Variants in SLCO3A1 observed in about 807,000 individuals in gnomAD.
The protein encoded by SLCO3A1 is PGE1 transporter.
SLCO3A1 carries 27 observed loss-of-function variants against 63.1 expected under a neutral mutation model. That is an observed-to-expected ratio of 0.43 (90% CI 0.32 to 0.59). The LOEUF (loss-of-function observed/expected upper bound fraction) is 0.59. Among genes scored for constraint, SLCO3A1 ranks in the 20% least tolerant of loss-of-function variants. SLCO3A1 has a pLI of 0.09. For missense variants in SLCO3A1, 773 were observed against 945.8 expected, an observed-to-expected ratio of 0.82 and a Z score of 2.40; for synonymous variants, 473 against 409.9, an observed-to-expected ratio of 1.15 and a Z score of -1.86.
chr15:91,921,144 T>C (rs1252960498), intron 2 of SLCO3A1, among the ~76,000 whole-genome samples: 1 of 152,216 alleles, frequency 6.6e-6, no homozygotes, highest in Non-Finnish European at 1.5e-5. Flanking sequence ...AGGGTTGGCG[T>C]CCTCTGAGGT....
Position 92,150,958 on chromosome 15 carries a change from G to A in SLCO3A1, c.1697G>A (p.Ser566Asn). Reference sequence around the variant, plus strand: ...CATCTCTTTGCACGTAGGACAGTCAGCCCTGAACTCAAGTCTTACGCTTTG... The same window carrying A: ...CATCTCTTTGCACGTAGGACAGTCAACCCTGAACTCAAGTCTTACGCTTTG... ...PSVIILIRTV[S>N]PELKSYALGV... Residue 566 changes from serine (S) to asparagine (N), a missense_variant, in exon 9 of 10, where the codon AGC becomes AAC. By Grantham distance (46) the Ser-to-Asn change is conservative. Around this residue, in one of 3 missense-constraint regions of SLCO3A1, gnomAD observed 565 missense variants for 749.8 expected, o/e 0.75. Coordinates refer to ENST00000318445, the MANE Select transcript of SLCO3A1 (RefSeq NM_013272.4). 6.2e-7 allele frequency: 1 copy of A among 1,612,150 alleles called. No homozygotes were observed. Among genetic ancestry groups the A allele is most frequent in the East Asian group, 2.2e-5 (1 of 44,834 alleles).
intron 2 of SLCO3A1, among the ~76,000 whole-genome samples, chr15:92,049,253 G>C (rs573746080): frequency 1.3e-5 from 2 of 152,136 alleles, no homozygotes; most frequent in Non-Finnish European, 2.9e-5. Flanking sequence ...TTCGGTGCCA[G>C]CCCCAGCCCC....
chr15:91,975,400 G>A (rs894386192), intron 2 of SLCO3A1, among the ~76,000 whole-genome samples: 6 of 152,212 alleles, frequency 3.9e-5, no homozygotes, highest in Non-Finnish European at 2.9e-5. Flanking sequence ...CCCTAAACAT[G>A]AGAGCAGAGG....
In SLCO3A1 at chr15:91,916,018, G is replaced by A; in HGVS notation, c.206G>A (p.Arg69His). 1.9e-6 allele frequency: 3 copies of A among 1,613,136 alleles called. No homozygotes were observed. Among genetic ancestry groups the A allele is most frequent in the Non-Finnish European group, 2.5e-6 (3 of 1,179,904 alleles). Residue 69 changes from arginine to histidine, a missense_variant, in exon 2 of 10, where the codon CGT (arginine) becomes CAT (histidine). This residue lies in a region of SLCO3A1 where 565 missense variants were observed against 749.8 expected (regional missense o/e 0.75). Transcript: ENST00000318445. The surrounding 1 kb of genome is among the most constrained non-coding windows in gnomAD (Gnocchi z 6.2). ...GTGAGCGTCCTGACCACCCTGGAGC[G>A]TAGGTTCAACCTGCAGAGCGCTGAC... Reference protein sequence around the residue: ...YLVSVLTTLERRFNLQSADVG... With the variant: ...YLVSVLTTLEHRFNLQSADVG...
intron 2 of SLCO3A1, among the ~76,000 whole-genome samples, chr15:92,059,022 G>T (rs887581039): frequency 6.6e-6 from 1 of 152,148 alleles, no homozygotes; most frequent in African/African-American, 2.4e-5. Flanking sequence ...GCACTCACAA[G>T]TGCTGGCGTC....
chr15:91,892,553 G>A (rs2151358112), intron 1 of SLCO3A1, among the ~76,000 whole-genome samples: 1 of 152,318 alleles, frequency 6.6e-6, no homozygotes, highest in African/African-American at 2.4e-5. Context: ...ATGAGTAGGA[G>A]GTAAGAACAG....
chr15:92,038,406 T>C (rs546230384), intron 2 of SLCO3A1, among the ~76,000 whole-genome samples: 7 of 152,286 alleles, frequency 4.6e-5, no homozygotes, highest in Admixed American at 4.6e-4. Flanking sequence ...TGCAAAAGTC[T>C]CAGGATACAA....
At chr15:91,944,283 AG>A (rs1899724326) in intron 2 of SLCO3A1, among the ~76,000 whole-genome samples, 1 of 152,136 alleles carries the variant, frequency 6.6e-6, no homozygotes, top group South Asian at 2.1e-4. Context: ...TTAGGTCTCC[AG>A]GGCTCCCCCT....
intron 7 of SLCO3A1, among the ~76,000 whole-genome samples, chr15:92,128,811 C>G (rs1238325755): frequency 6.6e-6 from 1 of 152,094 alleles, no homozygotes; most frequent in African/African-American, 2.4e-5. Context: ...TAGTGAGCTC[C>G]CCATCACCAG....
chr15:92,164,530 G>C lies in SLCO3A1; in HGVS notation c.*1395G>C. ...CTGTGGAGGAGACACTCTTAGATGT[G>C]GGTTTGTGTGTATGGGTGCAACACT... On this transcript the variant is annotated 3_prime_UTR_variant, in exon 10 of 10. Coordinates refer to ENST00000318445, the MANE Select transcript of SLCO3A1 (RefSeq NM_013272.4). The C allele has an allele frequency of 2.0e-6, 2 of 985,398 alleles. No individual in the cohort carries two copies. Among genetic ancestry groups the C allele is most frequent in the South Asian group, 9.4e-5 (2 of 21,280 alleles). 61.0% of individuals were successfully genotyped at this position (985,398 alleles called of 1,614,324 possible). A position where few individuals can be genotyped will look rare whatever the true frequency, so the allele number is the denominator to read the frequency against.
At chr15:92,052,854 A>G (rs1259126022) in intron 2 of SLCO3A1, among the ~76,000 whole-genome samples, 1 of 152,166 alleles carries the variant, frequency 6.6e-6, no homozygotes, top group African/African-American at 2.4e-5. Context: ...TTGAAAGGAT[A>G]ATATTTTGGC....
At chr15:92,047,455 A>C (rs1300560887) in intron 2 of SLCO3A1, among the ~76,000 whole-genome samples, 1 of 36,860 alleles carries the variant, frequency 2.7e-5, no homozygotes, top group Non-Finnish European at 5.2e-5. Context: ...ATAATATATA[A>C]ATATATATAA....
intron 1 of SLCO3A1, among the ~76,000 whole-genome samples, chr15:91,857,306 G>A (rs1187796752): frequency 6.6e-6 from 1 of 152,220 alleles, no homozygotes; most frequent in East Asian, 1.9e-4. Context: ...AGTAACCCAG[G>A]TGCAACCTGG....
intron 2 of SLCO3A1, among the ~76,000 whole-genome samples, chr15:91,970,705 G>A (rs1377762339): frequency 6.6e-6 from 1 of 152,194 alleles, no homozygotes; most frequent in African/African-American, 2.4e-5. Flanking sequence ...CATCCAGGGT[G>A]TATCCTGCCA....
Position 92,164,790 on chromosome 15 carries a change from A to C in SLCO3A1, c.*1655A>C, listed in dbSNP as rs1276118581. On this transcript the variant is annotated 3_prime_UTR_variant, in exon 10 of 10. Coordinates refer to ENST00000318445, the MANE Select transcript of SLCO3A1 (RefSeq NM_013272.4). ...GATTTGGGGTAAGAATCACGTTGGA[A>C]AACCTCTCGCAACCAGCACACTAGG... 5 of 985,270 alleles carry C rather than the reference A, an allele frequency of 5.1e-6. No individual in the cohort carries two copies. The African/African-American group carries it at 8.7e-5, about 17-fold the overall frequency. The allele number at this position is 985,270 out of a possible 1,614,324, so 61.0% of individuals were successfully genotyped here.
chr15:91,981,938 G>A (rs755857327), intron 2 of SLCO3A1, among the ~76,000 whole-genome samples: 6 of 152,264 alleles, frequency 3.9e-5, no homozygotes, highest in Admixed American at 6.5e-5. Flanking sequence ...TGGTGAGCAC[G>A]CTTTGATGCT....
chr15:91,857,826 A>T (rs1231405278), intron 1 of SLCO3A1, among the ~76,000 whole-genome samples: 1 of 152,230 alleles, frequency 6.6e-6, no homozygotes, highest in East Asian at 1.9e-4. Context: ...TGAGGCATAC[A>T]TACAAATACA....
chr15:91,914,427 C>A (rs998078703), intron 1 of SLCO3A1, among the ~76,000 whole-genome samples: 1 of 152,136 alleles, frequency 6.6e-6, no homozygotes, highest in South Asian at 2.1e-4. Flanking sequence ...GAAATAATAA[C>A]AGGGGTTCAA....
intron 2 of SLCO3A1, among the ~76,000 whole-genome samples, chr15:92,003,967 A>C (rs928081396): frequency 3.9e-5 from 6 of 152,212 alleles, no homozygotes; most frequent in Admixed American, 3.3e-4. Context: ...GTCAGCCTCT[A>C]TCATGGATTC....
Sources: allele counts gnomAD v4.1 joint callset (sites outside exome capture counted in the v4.1 genomes callset), GRCh38; gene constraint gnomAD v4.1.1; regional missense constraint gnomAD v4.1.1; non-coding constraint Gnocchi (gnomAD v3.1); transcripts MANE v1.5; gene names NCBI Gene and HGNC (gene_info 2026-07-23, HGNC 2026-07-21).